Variants in ABL1 observed in about 807,000 individuals in gnomAD.
The protein encoded by ABL1 is ABL proto-oncogene 1, non-receptor tyrosine kinase.
Under a neutral mutation model 94.7 loss-of-function variants are expected in ABL1, and 11 were observed. The observed-to-expected ratio is 0.12, with a 90% confidence interval of 0.07 to 0.19. The LOEUF (loss-of-function observed/expected upper bound fraction) is 0.19. ABL1 is among the 10% of genes least tolerant of loss of function. The pLI is 1.00. For missense variants in ABL1, 1,082 were observed against 1,489.4 expected (o/e 0.73, Z 4.50); for synonymous variants, 656 against 622.4 (o/e 1.05, Z -0.80).
intron 1 of ABL1, among the ~76,000 whole-genome samples, chr9:130,840,515 TG>T (rs1230508998): frequency 6.6e-6 from 1 of 152,150 alleles, no homozygotes; most frequent in Non-Finnish European, 1.5e-5. Context: ...AATAAATCAA[TG>T]GGTAGCTTTC....
intron 1 of ABL1, among the ~76,000 whole-genome samples, chr9:130,765,033 C>T (rs1283450648): frequency 6.6e-6 from 1 of 151,824 alleles, no homozygotes; most frequent in Admixed American, 6.6e-5. Context: ...GTTCCTCCAC[C>T]CTTTTCTTTT....
intron 1 of ABL1, among the ~76,000 whole-genome samples, chr9:130,769,329 C>CTTTTTTTTTTTTGTTTTTTTTTTTTTTTT (rs1832223059): frequency 1.2e-5 from 1 of 84,292 alleles, no homozygotes; most frequent in Non-Finnish European, 2.3e-5. Flanking sequence ...TGGCCCTAGT[C>CTTTTTTTTTTTTGTTTTTTTTTTTTTTTT]TTTTTTTTTT....
rs1468631208 is a variant in ABL1 at position 130,835,593 on chromosome 9, A to G, written c.79+68A>G. The G allele has an allele frequency of 1.4e-6, 2 of 1,395,316 alleles. No individual in the cohort carries two copies. Among genetic ancestry groups the G allele is most frequent in the East Asian group, 5.1e-5 (2 of 39,120 alleles). The allele number at this position is 1,395,316 out of a possible 1,614,324, so 86.4% of individuals were successfully genotyped here. A position where few individuals can be genotyped will look rare whatever the true frequency, so the allele number is the denominator to read the frequency against. On this transcript the variant is annotated intron_variant, in intron 1 of 10. Transcript: ENST00000318560. This position sits in a 1 kb window ranked among gnomAD's most constrained non-coding sequence, Gnocchi z 4.6. The stretch of plus-strand genomic sequence containing the variant: ...CTCCCGCTGCTGCTGGGCCCTTCCT[A>G]GGCCTCGCCGCCCGCGCGCTCCCGC...
intron 1 of ABL1, among the ~76,000 whole-genome samples, chr9:130,796,625 A>G: frequency 6.6e-6 from 1 of 152,110 alleles, no homozygotes; most frequent in East Asian, 1.9e-4. Context: ...ACTCTTTCAA[A>G]GCTTGTGAGC....
At chr9:130,732,569 G>A (rs2791725) in intron 1 of ABL1, among the ~76,000 whole-genome samples, 79,578 of 151,872 alleles carry the variant, frequency 0.52, 22,496 homozygotes, top group African/African-American at 0.74. Flanking sequence ...ATGACTAACA[G>A]CTGCTTAAGT....
At chr9:130,854,586 C>CTA (rs1416710744) in intron 2 of ABL1, among the ~76,000 whole-genome samples, 1 of 152,142 alleles carries the variant, frequency 6.6e-6, no homozygotes, top group Non-Finnish European at 1.5e-5. Flanking sequence ...AAAACTGAGG[C>CTA]TATACACTTA....
chr9:130,878,361 T>C (rs1386522931), intron 7 of ABL1, 54 bp from the exon 8 acceptor site: 4 of 1,595,164 alleles, frequency 2.5e-6, no homozygotes, highest in Non-Finnish European at 3.4e-6. Flanking sequence ...TTAAATGTAG[T>C]GTAGTGAAAT....
chr9:130,767,293 A>G (rs1564284636), intron 1 of ABL1, among the ~76,000 whole-genome samples: 2 of 152,276 alleles, frequency 1.3e-5, no homozygotes, highest in East Asian at 1.9e-4. Flanking sequence ...CCATTCTTCT[A>G]AAGATTCACA....
At chr9:130,799,873 CTT>C (rs11355108) in intron 1 of ABL1, among the ~76,000 whole-genome samples, 1 of 147,450 alleles carries the variant, frequency 6.8e-6, no homozygotes, top group Non-Finnish European at 1.5e-5. Flanking sequence ...GATATTTATA[CTT>C]TTTTTTTTTT....
chr9:130,798,238 G>T (rs958575775), intron 1 of ABL1, among the ~76,000 whole-genome samples: 1 of 151,968 alleles, frequency 6.6e-6, no homozygotes, highest in Non-Finnish European at 1.5e-5. Context: ...TTTCCACATT[G>T]CAGTTTTGAA....
chr9:130,846,372 T>C (rs185554887), intron 1 of ABL1, among the ~76,000 whole-genome samples: 3 of 152,310 alleles, frequency 2.0e-5, no homozygotes, highest in Admixed American at 2.0e-4. Flanking sequence ...ATCTGTTTTA[T>C]AGATTTTTAA....
At chr9:130,796,107 A>G (rs1026691606) in intron 1 of ABL1, among the ~76,000 whole-genome samples, 28 of 152,202 alleles carry the variant, frequency 1.8e-4, no homozygotes, top group African/African-American at 7.2e-5. Flanking sequence ...TGGGAGGTAG[A>G]GGTTGCAGTG....
In ABL1 at chr9:130,885,985, G is replaced by A; in HGVS notation, c.*302G>A. 3 of 416,524 alleles carry A rather than the reference G, an allele frequency of 7.2e-6. No homozygotes were observed. Among genetic ancestry groups the A allele is most frequent in the Admixed American group, 4.1e-5 (1 of 24,566 alleles). 25.8% of individuals were successfully genotyped at this position (416,524 alleles called of 1,614,324 possible). A position where few individuals can be genotyped will look rare whatever the true frequency, so the allele number is the denominator to read the frequency against. On this transcript the variant is annotated 3_prime_UTR_variant, in exon 11 of 11. Coordinates refer to ENST00000318560, the MANE Select transcript of ABL1 (RefSeq NM_005157.6). Reference sequence around the variant, plus strand: ...CCCGCCAGCCCCGCTCCCACCTAGTGCCCCAGACTGAGCTCTCCAGGCCAG... The same window carrying A: ...CCCGCCAGCCCCGCTCCCACCTAGTACCCCAGACTGAGCTCTCCAGGCCAG...
At chr9:130,748,803 C>T (rs7023405) in intron 1 of ABL1, among the ~76,000 whole-genome samples, 2 of 151,978 alleles carry the variant, frequency 1.3e-5, no homozygotes, top group African/African-American at 4.8e-5. Context: ...TCTCGAACTC[C>T]TGACCTCATG....
intron 1 of ABL1, among the ~76,000 whole-genome samples, chr9:130,851,766 C>CT (rs149948786): frequency 0.076 from 9,283 of 122,806 alleles, 492 homozygotes; most frequent in Non-Finnish European, 0.11. Context: ...CTCTCTTTTT[C>CT]TTTTTTTTTT....
chr9:130,807,222 G>T (rs954624020), intron 1 of ABL1, among the ~76,000 whole-genome samples: 1 of 152,110 alleles, frequency 6.6e-6, no homozygotes, highest in Admixed American at 6.6e-5. Flanking sequence ...TCATCCAGTG[G>T]TCTTCAAACT....
intron 1 of ABL1, among the ~76,000 whole-genome samples, chr9:130,757,664 G>A (rs956272949): frequency 1.7e-4 from 24 of 144,728 alleles, no homozygotes; most frequent in African/African-American, 5.4e-4. Flanking sequence ...TCAGCCTCCC[G>A]AGTAGCTGGG....
At chr9:130,740,181 G>A (rs1200899075) in intron 1 of ABL1, among the ~76,000 whole-genome samples, 1 of 152,202 alleles carries the variant, frequency 6.6e-6, no homozygotes, top group Non-Finnish European at 1.5e-5. Flanking sequence ...CATTTATTGA[G>A]AGATTCACAC....
chr9:130,728,953 CTTG>C (rs1448091752), intron 1 of ABL1, among the ~76,000 whole-genome samples: 1 of 152,064 alleles, frequency 6.6e-6, no homozygotes, highest in Non-Finnish European at 1.5e-5. Flanking sequence ...GATTCTCAAT[CTTG>C]TTATCTTTCT....
Sources: allele counts gnomAD v4.1 joint callset (sites outside exome capture counted in the v4.1 genomes callset), GRCh38; gene constraint gnomAD v4.1.1; non-coding constraint Gnocchi (gnomAD v3.1); transcripts MANE v1.5; gene names NCBI Gene and HGNC (gene_info 2026-07-23, HGNC 2026-07-21).